Variants in GRK5 observed in about 807,000 individuals in gnomAD.
GRK5 encodes g protein-coupled receptor kinase GRK5.
GRK5 carries 40 observed loss-of-function variants against 78.4 expected under a neutral mutation model. The ratio of observed to expected loss-of-function variants is 0.51; its 90% confidence interval spans 0.40 to 0.66. The LOEUF is 0.66. Ranked by LOEUF, GRK5 falls within the 30% of genes least tolerant of loss-of-function variation. GRK5 has a pLI of 0.00. For missense variants in GRK5, 598 were observed against 759.9 expected (o/e 0.79, Z 2.50); for synonymous variants, 289 against 296.8 (o/e 0.97, Z 0.27).
At chr10:119,312,391 C>T (rs771409724) in intron 1 of GRK5, among the ~76,000 whole-genome samples, 11 of 152,260 alleles carry the variant, frequency 7.2e-5, no homozygotes, top group Non-Finnish European at 1.2e-4. Context: ...GAGGAGGGTT[C>T]CAGGCAGAGG....
chr10:119,347,479 G>A (rs111683948), intron 2 of GRK5, among the ~76,000 whole-genome samples: 5,190 of 152,182 alleles, frequency 0.034, 169 homozygotes, highest in African/African-American at 0.086. Flanking sequence ...GTGCATGCAC[G>A]TGCACGTGTG....
intron 1 of GRK5, among the ~76,000 whole-genome samples, chr10:119,260,639 TA>T (rs957590946): frequency 9.2e-5 from 14 of 151,904 alleles, no homozygotes; most frequent in Non-Finnish European, 1.8e-4. Flanking sequence ...AGCATCTGTT[TA>T]ACAAAGCACA....
chr10:119,401,788 A>G (rs1589789677), intron 4 of GRK5, among the ~76,000 whole-genome samples: 1 of 152,190 alleles, frequency 6.6e-6, no homozygotes, highest in African/African-American at 2.4e-5. Flanking sequence ...CGAGAGGCCA[A>G]GGAAGGGTCG....
intron 2 of GRK5, among the ~76,000 whole-genome samples, chr10:119,339,893 C>G (rs1850955259): frequency 6.6e-6 from 1 of 152,074 alleles, no homozygotes; most frequent in Non-Finnish European, 1.5e-5. Flanking sequence ...GAAACTCTGT[C>G]TCTATTAAAC....
intron 4 of GRK5, among the ~76,000 whole-genome samples, chr10:119,408,350 A>AG (rs1852279097): frequency 6.8e-6 from 1 of 148,072 alleles, no homozygotes; most frequent in Non-Finnish European, 1.5e-5. Context: ...TCAAAAAAAA[A>AG]AAAAAAAAAA....
intron 3 of GRK5, 63 bp from the exon 4 acceptor site, chr10:119,396,632 T>C: frequency 7.3e-7 from 1 of 1,363,516 alleles, no homozygotes; most frequent in Non-Finnish European, 1.0e-6. Flanking sequence ...GCTGTGAGGT[T>C]CTGTAACTAT....
At chr10:119,323,949 A>G (rs529420297) in intron 1 of GRK5, among the ~76,000 whole-genome samples, 7 of 152,216 alleles carry the variant, frequency 4.6e-5, no homozygotes, top group Admixed American at 3.3e-4. Flanking sequence ...AATGTTGGCA[A>G]CTGGTTCAGT....
intron 3 of GRK5, among the ~76,000 whole-genome samples, chr10:119,387,664 G>T (rs1384201427): frequency 1.3e-5 from 2 of 152,228 alleles, no homozygotes; most frequent in Non-Finnish European, 2.9e-5. Context: ...GAGACTGATG[G>T]ACTTCTCTCT....
chr10:119,300,351 G>C (rs1459941457), intron 1 of GRK5, among the ~76,000 whole-genome samples: 1 of 152,188 alleles, frequency 6.6e-6, no homozygotes, highest in Non-Finnish European at 1.5e-5. Flanking sequence ...CACAACGTTT[G>C]ACCCTCAATC....
intron 1 of GRK5, among the ~76,000 whole-genome samples, chr10:119,281,847 T>C (rs1849769049): frequency 6.6e-6 from 1 of 152,218 alleles, no homozygotes. Flanking sequence ...CTTAGCTTTG[T>C]AGATGGATTC....
At chr10:119,377,208 T>A (rs1851638876) in intron 2 of GRK5, among the ~76,000 whole-genome samples, 1 of 152,228 alleles carries the variant, frequency 6.6e-6, no homozygotes, top group Non-Finnish European at 1.5e-5. Flanking sequence ...CAGCTTCTGT[T>A]GAAACAGATC....
At chr10:119,275,093 G>C (rs920993241) in intron 1 of GRK5, among the ~76,000 whole-genome samples, 2 of 152,222 alleles carry the variant, frequency 1.3e-5, no homozygotes, top group African/African-American at 4.8e-5. Flanking sequence ...GCAGGCCCAG[G>C]AGCATGGTTC....
In GRK5 at chr10:119,207,814, C is replaced by G; in HGVS notation, c.-104C>G. 8.9e-7 allele frequency: 1 copy of G among 1,127,600 alleles called. No individual in the cohort carries two copies. The highest frequency in any genetic ancestry group is 2.9e-5 in the East Asian group (1 of 34,564). The allele number at this position is 1,127,600 out of a possible 1,614,324, so 69.8% of individuals were successfully genotyped here. A position where few individuals can be genotyped will look rare whatever the true frequency, so the allele number is the denominator to read the frequency against. On this transcript the variant is annotated 5_prime_UTR_variant, in exon 1 of 16. Coordinates refer to ENST00000392870, the MANE Select transcript of GRK5 (RefSeq NM_005308.3). ...CAAGGCGGGCTGCTGGCTCCCCCGG[C>G]TCCGGCAGCAGCGGCGGCAGCCCGA... is the stretch of plus-strand genomic sequence containing the variant.
chr10:119,259,742 A>AATTTC (rs1849342497), intron 1 of GRK5, among the ~76,000 whole-genome samples: 1 of 152,206 alleles, frequency 6.6e-6, no homozygotes, highest in African/African-American at 2.4e-5. Flanking sequence ...TGAGTGCTTG[A>AATTTC]AGTGTGGCTT....
chr10:119,457,316 G>T lies in GRK5; in HGVS notation c.*2249G>T, dbSNP rs1440702134. On this transcript the variant is annotated 3_prime_UTR_variant, in exon 16 of 16. Transcript: ENST00000392870. The stretch of plus-strand genomic sequence containing the variant: ...AGCAGCCTCTTTTTATTCCTGAAAG[G>T]CAATGCCCTGTCCGTTTGCAGTAGA... The T allele has an allele frequency of 6.6e-6, 1 of 152,170 alleles. No homozygotes were observed. Among genetic ancestry groups the T allele is most frequent in the Non-Finnish European group, 1.5e-5 (1 of 68,066 alleles). 9.4% of individuals were successfully genotyped at this position (152,170 alleles called of 1,614,324 possible). A position where few individuals can be genotyped will look rare whatever the true frequency, so the allele number is the denominator to read the frequency against.
Position 119,378,206 on chromosome 10 carries a change from C to A in GRK5, c.149-2609C>A, listed in dbSNP as rs759743389. ...GGCTGGGACCACATCCCTAGGTACC[C>A]CTCCCCGTCAGAACCTGGCACACAC... On this transcript the variant is annotated intron_variant, in intron 2 of 15. Transcript: ENST00000392870. The surrounding 1 kb of genome is among the most constrained non-coding windows in gnomAD (Gnocchi z 4.5). 6.6e-6 allele frequency among the ~76,000 whole-genome samples: 1 copy of A among 152,200 alleles called. No homozygotes were observed. The highest frequency in any genetic ancestry group is 1.5e-5 in the Non-Finnish European group (1 of 68,028).
chr10:119,285,683 G>T (rs754053629), intron 1 of GRK5, among the ~76,000 whole-genome samples: 6 of 152,156 alleles, frequency 3.9e-5, no homozygotes, highest in Admixed American at 1.3e-4. Flanking sequence ...ATGCAGAAAT[G>T]GGGCGGTGAC....
At chr10:119,372,004 A>G (rs913605932) in intron 2 of GRK5, among the ~76,000 whole-genome samples, 1 of 152,210 alleles carries the variant, frequency 6.6e-6, no homozygotes, top group African/African-American at 2.4e-5. Flanking sequence ...CAGAATAATT[A>G]TGTGTGGCAG....
intron 1 of GRK5, among the ~76,000 whole-genome samples, chr10:119,317,655 C>T (rs1706478519): frequency 6.6e-6 from 1 of 152,090 alleles, no homozygotes; most frequent in African/African-American, 2.4e-5. Context: ...ATGCCTGACT[C>T]AAGTCAGGCA....
Sources: allele counts gnomAD v4.1 joint callset (sites outside exome capture counted in the v4.1 genomes callset), GRCh38; gene constraint gnomAD v4.1.1; non-coding constraint Gnocchi (gnomAD v3.1); transcripts MANE v1.5; gene names NCBI Gene and HGNC (gene_info 2026-07-23, HGNC 2026-07-21).